KCNN2: variants seen among roughly 807,000 people sequenced by gnomAD.
KCNN2 encodes potassium calcium-activated channel subfamily N member 2, also known as small conductance calcium-activated potassium channel protein 2.
Under a neutral mutation model 55.5 loss-of-function variants are expected in KCNN2, and 24 were observed. The ratio of observed to expected loss-of-function variants is 0.43; its 90% CI spans 0.31 to 0.61. The LOEUF (loss-of-function observed/expected upper bound fraction) is 0.61. Among genes scored for constraint, KCNN2 ranks in the 20% least tolerant of loss-of-function variants. The pLI is 0.08. For missense variants in KCNN2, 754 were observed against 853.6 expected (o/e 0.88, Z 1.45); for synonymous variants, 431 against 336.1 (o/e 1.28, Z -3.09).
At chr5:114,266,488 T>A (rs1755209810) in intron 2 of KCNN2, among the ~76,000 whole-genome samples, 1 of 152,200 alleles carries the variant, frequency 6.6e-6, no homozygotes, top group Non-Finnish European at 1.5e-5. Context: ...TGCTGGGTAG[T>A]TACTCTCCAT....
rs765992584 is a variant in KCNN2 at position 114,363,277 on chromosome 5, C to G, written c.1122+16C>G. 68 of 1,574,130 alleles carry G rather than the reference C, an allele frequency of 4.3e-5. No individual in the cohort carries two copies. Among genetic ancestry groups the G allele is most frequent in the Non-Finnish European group, 5.4e-5 (63 of 1,160,638 alleles). On this transcript the variant is annotated intron_variant, in intron 1 of 7. Coordinates refer to ENST00000673685, the MANE Select transcript of KCNN2 (RefSeq NM_021614.4). ...CTACGACAAGGTACAGGCTTGAACC[C>G]CAGCCCACGCTACCGGAGTCGGGCA... is the stretch of plus-strand genomic sequence containing the variant.
intron 1 of KCNN2, among the ~76,000 whole-genome samples, chr5:114,152,314 TAA>T (rs772823460): frequency 5.3e-5 from 8 of 152,236 alleles, no homozygotes; most frequent in Non-Finnish European, 1.0e-4. Flanking sequence ...AATAAACACT[TAA>T]AATGTATTTT....
chr5:114,146,620 T>G (rs1016345992), intron 1 of KCNN2, among the ~76,000 whole-genome samples: 3 of 152,170 alleles, frequency 2.0e-5, no homozygotes, highest in Non-Finnish European at 2.9e-5. Flanking sequence ...AATATCAATT[T>G]GCCAAAGAGC....
intron 2 of KCNN2, among the ~76,000 whole-genome samples, chr5:114,332,820 C>A (rs1221006576): frequency 2.0e-5 from 3 of 152,152 alleles, no homozygotes; most frequent in Non-Finnish European, 4.4e-5. Flanking sequence ...TTCAAAGAAC[C>A]ATTCTTTCCT....
chr5:114,131,103 A>C (rs550543441), intron 1 of KCNN2, among the ~76,000 whole-genome samples: 1 of 152,106 alleles, frequency 6.6e-6, no homozygotes, highest in Non-Finnish European at 1.5e-5. Context: ...TTTCTCTGAA[A>C]GCTCTTATTT....
chr5:114,236,002 C>T (rs774053100), intron 2 of KCNN2, among the ~76,000 whole-genome samples: 7 of 152,126 alleles, frequency 4.6e-5, no homozygotes, highest in Non-Finnish European at 8.8e-5. Flanking sequence ...TGAAGGCTGC[C>T]TACTTTAAAC....
chr5:114,080,572 T>G (rs1178991575), intron 1 of KCNN2, among the ~76,000 whole-genome samples: 3 of 152,102 alleles, frequency 2.0e-5, no homozygotes, highest in Non-Finnish European at 4.4e-5. Context: ...CGTTGATATA[T>G]AATTATTTGT....
chr5:114,400,055 C>T (rs957347014), intron 2 of KCNN2, among the ~76,000 whole-genome samples: 1 of 151,276 alleles, frequency 6.6e-6, no homozygotes, highest in African/African-American at 2.4e-5. Flanking sequence ...TTTATTCTTG[C>T]AAATAGCCAA....
intron 2 of KCNN2, among the ~76,000 whole-genome samples, chr5:114,323,649 A>ATTTTTTTTTTTTTTTTTTT (rs6149185): frequency 0.02 from 1,699 of 85,172 alleles, 367 homozygotes; most frequent in Non-Finnish European, 0.03. Context: ...AAACATATCA[A>ATTTTTTTTTTTTTTTTTTT]TTTTTTTTTT....
intron 3 of KCNN2, among the ~76,000 whole-genome samples, chr5:114,407,553 T>C (rs1205243469): frequency 6.6e-6 from 1 of 152,204 alleles, no homozygotes. Context: ...TTGTTTTGGC[T>C]TCTGTTTTAG....
intron 3 of KCNN2, among the ~76,000 whole-genome samples, chr5:114,406,001 C>T (rs1408958231): frequency 1.3e-5 from 2 of 151,296 alleles, no homozygotes; most frequent in African/African-American, 4.9e-5. Context: ...TGAGCCACCG[C>T]ACCAGGCCGA....
intron 3 of KCNN2, among the ~76,000 whole-genome samples, chr5:114,457,657 G>C (rs997995492): frequency 1.3e-5 from 2 of 152,100 alleles, no homozygotes; most frequent in Non-Finnish European, 2.9e-5. Flanking sequence ...AGAACCCTAT[G>C]AAGTTCTCTG....
intron 1 of KCNN2, among the ~76,000 whole-genome samples, chr5:114,149,950 C>A (rs139999647): frequency 6.6e-6 from 1 of 152,056 alleles, no homozygotes; most frequent in African/African-American, 2.4e-5. Flanking sequence ...GCCCCTCATG[C>A]GTCCGTTTAT....
At chr5:114,289,526 A>G (rs1329007407) in intron 2 of KCNN2, among the ~76,000 whole-genome samples, 1 of 151,830 alleles carries the variant, frequency 6.6e-6, no homozygotes, top group African/African-American at 2.4e-5. Context: ...ACAGGCGTGC[A>G]CCACCATGCC....
At chr5:114,375,436 A>T (rs1375751480) in intron 2 of KCNN2, among the ~76,000 whole-genome samples, 1 of 152,172 alleles carries the variant, frequency 6.6e-6, no homozygotes, top group Non-Finnish European at 1.5e-5. Flanking sequence ...ATTAGCTATG[A>T]AGTTTTAAGA....
intron 1 of KCNN2, among the ~76,000 whole-genome samples, chr5:114,157,582 C>A (rs1352617147): frequency 6.6e-6 from 1 of 152,202 alleles, no homozygotes; most frequent in Non-Finnish European, 1.5e-5. Flanking sequence ...AATTGCCACA[C>A]TGACTTCCAC....
At chr5:114,278,478 C>T (rs998960244) in intron 2 of KCNN2, among the ~76,000 whole-genome samples, 15 of 152,242 alleles carry the variant, frequency 9.9e-5, no homozygotes, top group South Asian at 4.1e-4. Flanking sequence ...AGAGGCAATA[C>T]GCCTTGCTGA....
At chr5:114,247,842 CTT>C (rs1171666570) in intron 2 of KCNN2, among the ~76,000 whole-genome samples, 1 of 151,914 alleles carries the variant, frequency 6.6e-6, no homozygotes, top group Non-Finnish European at 1.5e-5. Flanking sequence ...AGGATTATGT[CTT>C]AGGTGGGTTT....
intron 2 of KCNN2, among the ~76,000 whole-genome samples, chr5:114,312,224 T>C (rs1361244727): frequency 1.3e-5 from 2 of 151,596 alleles, no homozygotes; most frequent in African/African-American, 4.9e-5. Flanking sequence ...TTTGGAACAA[T>C]CTCTTTTCTT....
Sources: gnomAD v4.1 joint callset for allele counts (sites outside exome capture counted in the v4.1 genomes callset) on GRCh38, gnomAD v4.1.1 for gene constraint, MANE v1.5 for transcripts, NCBI Gene and HGNC (gene_info 2026-07-23, HGNC 2026-07-21) for gene names.